FOXP1: variants seen among roughly 807,000 people sequenced by gnomAD.
The protein encoded by FOXP1 is forkhead box protein P1.
Under a neutral mutation model 98.2 loss-of-function variants are expected in FOXP1, and 15 were observed. The observed-to-expected ratio is 0.15, with a 90% CI of 0.10 to 0.24. The LOEUF (loss-of-function observed/expected upper bound fraction) is 0.24. Among genes scored for constraint, FOXP1 ranks in the 10% least tolerant of loss-of-function variants. The pLI is 1.00. For missense variants in FOXP1, 633 were observed against 848.5 expected (o/e 0.75, Z 3.15); for synonymous variants, 371 against 314.5 (o/e 1.18, Z -1.90).
chr3:71,055,406 T>C (rs779093393), intron 7 of FOXP1, among the ~76,000 whole-genome samples: 1 of 152,216 alleles, frequency 6.6e-6, no homozygotes, highest in Non-Finnish European at 1.5e-5. Context: ...CCTATTCCAG[T>C]GGCCTTTTAA....
chr3:71,003,024 ACATT>A (rs1379632337), intron 12 of FOXP1, among the ~76,000 whole-genome samples: 2 of 152,230 alleles, frequency 1.3e-5, no homozygotes, highest in Admixed American at 6.5e-5. Context: ...CTTATAAAAT[ACATT>A]CATTGGAAGG....
At chr3:71,459,249 C>T (rs376728258) in intron 3 of FOXP1, among the ~76,000 whole-genome samples, 3 of 152,054 alleles carry the variant, frequency 2.0e-5, no homozygotes, top group Non-Finnish European at 4.4e-5. Context: ...CAGTCTTTAC[C>T]TCAATTTATT....
chr3:71,561,199 G>A (rs901874735), intron 2 of FOXP1, among the ~76,000 whole-genome samples: 1 of 151,970 alleles, frequency 6.6e-6, no homozygotes, highest in Non-Finnish European at 1.5e-5. Flanking sequence ...TGGGATTACA[G>A]GCATGCACCA....
chr3:71,338,121 G>T (rs1214672357), intron 4 of FOXP1, among the ~76,000 whole-genome samples: 2 of 152,302 alleles, frequency 1.3e-5, no homozygotes, highest in South Asian at 2.1e-4. Flanking sequence ...TTTCTAAGCA[G>T]GATAAATGAC....
rs75101977 is a variant in FOXP1 at position 71,300,153 on chromosome 3, C to T, written c.-72-273G>A. Among the ~76,000 whole-genome samples the T allele has an allele frequency of 3.7e-3, 568 of 152,208 alleles. 5 individuals carry two copies. The highest frequency in any genetic ancestry group is 0.013 in the African/African-American group (532 of 41,530). ...AACTTTTTCTCATCTTGTTGTCTAT[C>T]GATTTATTTTCATGGAGAATAATAT... On this transcript the variant is annotated intron_variant, in intron 4 of 20. Coordinates refer to ENST00000649528, the MANE Select transcript of FOXP1 (RefSeq NM_001349338.3).
intron 5 of FOXP1, among the ~76,000 whole-genome samples, chr3:71,217,423 T>G (rs2065027303): frequency 6.6e-6 from 1 of 152,200 alleles, no homozygotes; most frequent in Non-Finnish European, 1.5e-5. Flanking sequence ...TGAGTTCTAC[T>G]TCTTGTTCAG....
chr3:70,969,152 A>C (rs2035631536), intron 19 of FOXP1: 1 of 149,794 alleles, frequency 6.7e-6, no homozygotes, highest in Non-Finnish European at 1.5e-5. Context: ...CCGGCTCATG[A>C]ATATAAAATG....
chr3:71,505,829 C>T (rs2041782717), intron 2 of FOXP1, among the ~76,000 whole-genome samples: 1 of 152,138 alleles, frequency 6.6e-6, no homozygotes, highest in South Asian at 2.1e-4. Context: ...CCTACTTCTT[C>T]CCCTCCACGA....
intron 6 of FOXP1, among the ~76,000 whole-genome samples, chr3:71,187,562 G>A (rs542398913): frequency 1.5e-3 from 225 of 152,166 alleles, no homozygotes; most frequent in Non-Finnish European, 2.7e-3. Flanking sequence ...CAGCCTGGGC[G>A]ACAAGAGTGA....
intron 2 of FOXP1, among the ~76,000 whole-genome samples, chr3:71,526,398 A>C (rs1245225474): frequency 6.6e-6 from 1 of 152,206 alleles, no homozygotes; most frequent in Non-Finnish European, 1.5e-5. Context: ...TAACAGATAC[A>C]AACAATCCCT....
At chr3:71,328,971 C>T (rs115672674) in intron 4 of FOXP1, among the ~76,000 whole-genome samples, 1,133 of 68,042 alleles carry the variant, frequency 0.017, 19 homozygotes, top group African/African-American at 0.048. Context: ...AACTCCATCT[C>T]GCTAAAAAAA....
At chr3:71,486,078 G>T (rs1475060794) in intron 3 of FOXP1, among the ~76,000 whole-genome samples, 2 of 151,984 alleles carry the variant, frequency 1.3e-5, no homozygotes, top group African/African-American at 4.8e-5. Flanking sequence ...GAAGTAGCAT[G>T]TCCTCATGGT....
At chr3:71,170,263 G>A (rs1463415949) in intron 6 of FOXP1, among the ~76,000 whole-genome samples, 32 of 152,206 alleles carry the variant, frequency 2.1e-4, no homozygotes, top group South Asian at 2.1e-4. Context: ...ACACTTAGCG[G>A]TATATATCAC....
chr3:71,407,400 G>A (rs1421806405), intron 3 of FOXP1, among the ~76,000 whole-genome samples: 1 of 151,978 alleles, frequency 6.6e-6, no homozygotes, highest in Non-Finnish European at 1.5e-5. Flanking sequence ...CTGTCATCAC[G>A]CATGTTTTTC....
chr3:71,241,516 T>C (rs1173985028), intron 5 of FOXP1, among the ~76,000 whole-genome samples: 2 of 152,178 alleles, frequency 1.3e-5, no homozygotes, highest in Non-Finnish European at 2.9e-5. Context: ...AGCAAGATAA[T>C]GAATCCTTTA....
chr3:71,140,801 G>GC (rs1029660537), intron 6 of FOXP1, among the ~76,000 whole-genome samples: 2 of 152,096 alleles, frequency 1.3e-5, no homozygotes, highest in Admixed American at 6.6e-5. Context: ...GAAAGGAGAG[G>GC]CATCTGTCTT....
At chr3:71,449,823 A>T (rs2086773487) in intron 3 of FOXP1, among the ~76,000 whole-genome samples, 1 of 152,214 alleles carries the variant, frequency 6.6e-6, no homozygotes, top group Non-Finnish European at 1.5e-5. Flanking sequence ...TCATTAGATA[A>T]ATATTCACAA....
intron 16 of FOXP1, 64 bp downstream of exon 16, chr3:70,977,579 C>T: frequency 2.2e-6 from 3 of 1,336,990 alleles, no homozygotes; most frequent in Non-Finnish European, 2.1e-6. Context: ...TCTACTTCAT[C>T]AATATATATC....
chr3:71,498,981 C>T (rs1347301696), intron 2 of FOXP1, among the ~76,000 whole-genome samples: 1 of 152,158 alleles, frequency 6.6e-6, no homozygotes, highest in Non-Finnish European at 1.5e-5. Flanking sequence ...CCATGGGTTA[C>T]CTGGTTGAGT....
Sources: gnomAD v4.1 joint callset for allele counts (sites outside exome capture counted in the v4.1 genomes callset) on GRCh38, gnomAD v4.1.1 for gene constraint, MANE v1.5 for transcripts, NCBI Gene and HGNC (gene_info 2026-07-23, HGNC 2026-07-21) for gene names.